RBFOX1: variants seen among roughly 807,000 people sequenced by gnomAD.
RBFOX1 encodes RNA binding fox-1 homolog 1.
In RBFOX1, 8 loss-of-function variants were observed where a neutral mutation model predicts 57.7. That is an observed-to-expected ratio of 0.14 (90% confidence interval 0.08 to 0.25). RBFOX1 has a LOEUF of 0.25. RBFOX1 is among the 10% of genes least tolerant of loss of function. RBFOX1 has a pLI of 1.00. For missense variants in RBFOX1, 611 were observed against 548.5 expected (o/e 1.11, Z -1.14); for synonymous variants, 326 against 222.4 (o/e 1.47, Z -4.15).
At chr16:6,044,427 C>T (rs1485640341) in intron 1 of RBFOX1, among the ~76,000 whole-genome samples, 1 of 151,834 alleles carries the variant, frequency 6.6e-6, no homozygotes, top group Non-Finnish European at 1.5e-5. Flanking sequence ...GAACACTGCC[C>T]CTTCCATATT....
At chr16:6,522,216 A>G (rs1284977265) in intron 2 of RBFOX1, among the ~76,000 whole-genome samples, 1 of 150,408 alleles carries the variant, frequency 6.6e-6, no homozygotes. Flanking sequence ...TAGGATGAAC[A>G]TTTTATGTCT....
intron 4 of RBFOX1, among the ~76,000 whole-genome samples, chr16:5,925,264 C>G (rs543173786): frequency 1.3e-5 from 2 of 152,294 alleles, no homozygotes; most frequent in East Asian, 3.9e-4. Context: ...AACCAAATGT[C>G]CATCAGCAAG....
chr16:5,342,698 C>G lies in RBFOX1; in HGVS notation c.219+102593C>G, dbSNP rs191433180. ...ACTGCATTGTGAAGGAAGCCTTGAG[C>G]AGTCTCCTACCTGTACCCCAAAGCT... On this transcript the variant is annotated intron_variant, in intron 1 of 2. Transcript: ENST00000585867. 3.3e-5 allele frequency among the ~76,000 whole-genome samples: 5 copies of G among 152,260 alleles called. No individual in the cohort carries two copies. In the East Asian group the frequency reaches 9.6e-4, roughly 29 times the overall value.
chr16:6,496,897 T>C (rs1204094921), intron 2 of RBFOX1, among the ~76,000 whole-genome samples: 1 of 151,862 alleles, frequency 6.6e-6, no homozygotes, highest in Admixed American at 6.6e-5. Flanking sequence ...GAGGTGGAGA[T>C]TGTGGTGAGC....
chr16:6,473,451 C>A (rs78720668), intron 2 of RBFOX1, among the ~76,000 whole-genome samples: 4,125 of 152,164 alleles, frequency 0.027, 97 homozygotes, highest in Middle Eastern at 0.065. Context: ...AGGCTATTTC[C>A]CACCCAACAG....
intron 4 of RBFOX1, among the ~76,000 whole-genome samples, chr16:7,164,287 C>T (rs1360110603): frequency 5.3e-5 from 8 of 152,138 alleles, no homozygotes; most frequent in East Asian, 1.9e-4. Flanking sequence ...GCTGCAAATG[C>T]CATTATTTTG....
intron 2 of RBFOX1, among the ~76,000 whole-genome samples, chr16:6,567,700 A>G (rs2097286957): frequency 6.6e-6 from 1 of 152,200 alleles, no homozygotes; most frequent in South Asian, 2.1e-4. Context: ...CAGTGGATGG[A>G]TGCCTATTTA....
chr16:6,725,601 C>T (rs143233483), intron 3 of RBFOX1, among the ~76,000 whole-genome samples: 2 of 152,298 alleles, frequency 1.3e-5, no homozygotes, highest in African/African-American at 4.8e-5. Flanking sequence ...ATCCAACCAT[C>T]AGCTCTTGGG....
At chr16:7,479,530 C>G (rs955385635) in intron 4 of RBFOX1, among the ~76,000 whole-genome samples, 6 of 152,142 alleles carry the variant, frequency 3.9e-5, no homozygotes, top group African/African-American at 1.4e-4. Context: ...TGGGAAAGGA[C>G]TCAAGAGCCT....
intron 4 of RBFOX1, among the ~76,000 whole-genome samples, chr16:7,381,402 A>T (rs2097779965): frequency 6.6e-6 from 1 of 152,230 alleles, no homozygotes; most frequent in Non-Finnish European, 1.5e-5. Flanking sequence ...CCTTAAACAC[A>T]TACCTAATTC....
At chr16:7,178,692 T>G (rs563333557) in intron 4 of RBFOX1, among the ~76,000 whole-genome samples, 2 of 152,306 alleles carry the variant, frequency 1.3e-5, no homozygotes, top group Non-Finnish European at 2.9e-5. Context: ...TACTTGATGG[T>G]AAAAGTCATT....
At chr16:7,620,572 A>C (rs1259742855) in intron 10 of RBFOX1, among the ~76,000 whole-genome samples, 1 of 152,204 alleles carries the variant, frequency 6.6e-6, no homozygotes, top group African/African-American at 2.4e-5. Context: ...ACAGATTCTT[A>C]AACATGATCA....
At chr16:6,014,858 T>A (rs1190955900), upstream of RBFOX1, among the ~76,000 whole-genome samples, 2 of 104,748 alleles carry the variant, frequency 1.9e-5, no homozygotes, top group Non-Finnish European at 4.4e-5. Flanking sequence ...GCTACTTGAT[T>A]TTTTTTTTTT....
At chr16:6,845,098 A>G (rs1370364733) in intron 3 of RBFOX1, among the ~76,000 whole-genome samples, 2 of 152,174 alleles carry the variant, frequency 1.3e-5, no homozygotes, top group Non-Finnish European at 2.9e-5. Context: ...TCAGATGGAT[A>G]GATTGCGAAC....
At chr16:7,662,813 C>G (rs117219434) in intron 12 of RBFOX1, among the ~76,000 whole-genome samples, 1 of 152,216 alleles carries the variant, frequency 6.6e-6, no homozygotes, top group Admixed American at 6.5e-5. Flanking sequence ...GAAACCCTTT[C>G]TTGAGGTAGG....
At chr16:6,495,819 C>G (rs142440215) in intron 2 of RBFOX1, among the ~76,000 whole-genome samples, 788 of 152,334 alleles carry the variant, frequency 5.2e-3, no homozygotes, top group Middle Eastern at 0.017. Flanking sequence ...ACTCCTTCTT[C>G]CCACCTATTG....
At chr16:6,975,669 C>G (rs1020362379) in intron 3 of RBFOX1, among the ~76,000 whole-genome samples, 11 of 152,164 alleles carry the variant, frequency 7.2e-5, no homozygotes, top group African/African-American at 2.7e-4. Flanking sequence ...AATTTCAGCC[C>G]AAGTTCATAA....
rs1489531831 is a variant in RBFOX1 at position 5,337,080 on chromosome 16, G to C, written c.219+96975G>C. On this transcript the variant is annotated intron_variant, in intron 1 of 2. Coordinates refer to the RBFOX1 transcript ENST00000585867. ...CTCTAAGTGGGTGAGGAGCAGAGGC[G>C]AGTTCTGCGGAGCTGAAGAGATGGC... is the stretch of plus-strand genomic sequence containing the variant. Among the ~76,000 whole-genome samples, 10 of 152,286 alleles carry C rather than the reference G, an allele frequency of 6.6e-5. No homozygotes were observed. The East Asian group carries it at 1.9e-3, about 29-fold the overall frequency.
At chr16:6,834,891 ATTTT>A (rs71147607) in intron 3 of RBFOX1, among the ~76,000 whole-genome samples, 4 of 118,960 alleles carry the variant, frequency 3.4e-5, no homozygotes, top group Non-Finnish European at 5.1e-5. Flanking sequence ...TGACTTCTCT[ATTTT>A]TTTTTTTTTT....
Sources: gnomAD v4.1 joint callset for allele counts (sites outside exome capture counted in the v4.1 genomes callset) on GRCh38, gnomAD v4.1.1 for gene constraint, MANE v1.5 for transcripts, NCBI Gene and HGNC (gene_info 2026-07-23, HGNC 2026-07-21) for gene names.